The following KLHL42 variants were observed in gnomAD, a reference collection of about 807,000 sequenced individuals.
The protein encoded by KLHL42 is kelch like family member 42.
Under a neutral mutation model 32.7 loss-of-function variants are expected in KLHL42, and 27 were observed. The observed-to-expected ratio is 0.83, with a 90% confidence interval of 0.61 to 1.14. The LOEUF (loss-of-function observed/expected upper bound fraction) is 1.14, where lower values mean the gene tolerates loss of function less well. KLHL42 is among the 50% of genes most tolerant of loss of function. KLHL42 has a pLI of 0.00. For synonymous variants in KLHL42, 267 were observed against 248.2 expected, an observed-to-expected ratio of 1.08 and a Z score of -0.71; for missense variants, 491 against 560.8, an observed-to-expected ratio of 0.88 and a Z score of 1.26.
intron 1 of KLHL42, among the ~76,000 whole-genome samples, chr12:27,782,636 C>T (rs2062153968): frequency 6.6e-6 from 1 of 152,140 alleles, no homozygotes; most frequent in Admixed American, 6.5e-5. Context: ...TCTTGCATTC[C>T]TCTAGCTACA....
chr12:27,782,493 T>C (rs2062153551), intron 1 of KLHL42, among the ~76,000 whole-genome samples: 1 of 152,216 alleles, frequency 6.6e-6, no homozygotes, highest in Non-Finnish European at 1.5e-5. Flanking sequence ...GATGATACCA[T>C]ATTTAAAATT....
intron 1 of KLHL42, among the ~76,000 whole-genome samples, chr12:27,785,771 C>G (rs1294248921): frequency 6.6e-6 from 1 of 151,980 alleles, no homozygotes; most frequent in East Asian, 1.9e-4. Context: ...AACAAGATGT[C>G]CAATAATAAT....
chr12:27,791,658 T>G (rs775970239), intron 1 of KLHL42, 50 bp from the exon 2 acceptor site: 2 of 1,477,840 alleles, frequency 1.4e-6, no homozygotes, highest in Non-Finnish European at 1.9e-6. Flanking sequence ...TGTTACACTT[T>G]TCATTGATCA....
intron 1 of KLHL42, among the ~76,000 whole-genome samples, chr12:27,783,616 C>G (rs2062157934): frequency 6.6e-6 from 1 of 152,106 alleles, no homozygotes; most frequent in Admixed American, 6.5e-5. Flanking sequence ...GAGTCTCGCT[C>G]TGTCGCCCAG....
Position 27,780,234 on chromosome 12 carries a change from TCCCTCGG to T in KLHL42, c.-95_-89del. On this transcript the variant is annotated 5_prime_UTR_variant, in exon 1 of 3. Coordinates refer to ENST00000381271, the MANE Select transcript of KLHL42 (RefSeq NM_020782.2). The surrounding 1 kb of genome is among the most constrained non-coding windows in gnomAD (Gnocchi z 8.8). ...CCTCGCCGCTCCTCCCGGGCCGCCA[TCCCTCGG>T]CGCCCCGCCCGGAACCGGCGCGCGC... The T allele has an allele frequency of 8.3e-7, 1 of 1,198,460 alleles. No individual in the cohort carries two copies. Among genetic ancestry groups the T allele is most frequent in the Non-Finnish European group, 1.1e-6 (1 of 930,036 alleles). 74.2% of individuals were successfully genotyped at this position (1,198,460 alleles called of 1,614,324 possible).
At chr12:27,784,110 AAGTGT>A (rs2062160785) in intron 1 of KLHL42, among the ~76,000 whole-genome samples, 2 of 151,704 alleles carry the variant, frequency 1.3e-5, no homozygotes, top group South Asian at 2.1e-4. Flanking sequence ...AGGTAGGGCA[AAGTGT>A]ATGTGTTTTT....
chr12:27,800,460 GA>G lies in KLHL42; in HGVS notation c.*2296del. The stretch of plus-strand genomic sequence containing the variant: ...CTGCCAGCAGTACGTGGGAAAGGTG[GA>G]ATGTGCAATAGGAACAGATCTGTGC... On this transcript the variant is annotated 3_prime_UTR_variant, in exon 3 of 3. Coordinates refer to ENST00000381271, the MANE Select transcript of KLHL42 (RefSeq NM_020782.2). 1.3e-6 allele frequency: 1 copy of G among 752,040 alleles called. No individual in the cohort carries two copies. The highest frequency in any genetic ancestry group is 1.6e-6 in the Non-Finnish European group (1 of 617,120). The allele number at this position is 752,040 out of a possible 1,614,324, so 46.6% of individuals were successfully genotyped here. A position where few individuals can be genotyped will look rare whatever the true frequency, so the allele number is the denominator to read the frequency against.
chr12:27,797,028 G>A (rs1000812772), intron 2 of KLHL42, among the ~76,000 whole-genome samples: 2 of 152,028 alleles, frequency 1.3e-5, no homozygotes, highest in African/African-American at 4.8e-5. Flanking sequence ...TGAGGGACAT[G>A]GGAAATGGGA....
chr12:27,802,866 C>G lies in KLHL42; in HGVS notation c.*4700C>G, dbSNP rs2062254514. ...TAGTTATGTTTTGATATGACTGATACTTTCTTTGTTAAAAGGTTGTATTAA... is the reference window on the plus strand; with the variant it reads ...TAGTTATGTTTTGATATGACTGATAGTTTCTTTGTTAAAAGGTTGTATTAA... On this transcript the variant is annotated 3_prime_UTR_variant, in exon 3 of 3. Coordinates refer to ENST00000381271, the MANE Select transcript of KLHL42 (RefSeq NM_020782.2). The G allele has an allele frequency of 6.6e-6, 1 of 152,256 alleles. No homozygotes were observed. The highest frequency in any genetic ancestry group is 1.5e-5 in the Non-Finnish European group (1 of 68,024). 9.4% of individuals were successfully genotyped at this position (152,256 alleles called of 1,614,324 possible). A position where few individuals can be genotyped will look rare whatever the true frequency, so the allele number is the denominator to read the frequency against.
chr12:27,800,210 A>G lies in KLHL42; in HGVS notation c.*2044A>G, dbSNP rs2062238285. On this transcript the variant is annotated 3_prime_UTR_variant, in exon 3 of 3. Coordinates refer to ENST00000381271, the MANE Select transcript of KLHL42 (RefSeq NM_020782.2). ...CATATCAAATACAATATTCCAGCCA[A>G]CCAGTTAATTCTCTTCCTGGTTACA... 1 of 985,386 alleles carries G rather than the reference A, an allele frequency of 1.0e-6. No individual in the cohort carries two copies. The highest frequency in any genetic ancestry group is 1.2e-6 in the Non-Finnish European group (1 of 829,922). 61.0% of individuals were successfully genotyped at this position (985,386 alleles called of 1,614,324 possible).
chr12:27,791,014 CTG>C (rs1228828939), intron 1 of KLHL42, among the ~76,000 whole-genome samples: 1 of 152,206 alleles, frequency 6.6e-6, no homozygotes, highest in Non-Finnish European at 1.5e-5. Flanking sequence ...TAAGCTATGA[CTG>C]TGCCACTGCA....
At chr12:27,782,827 A>G (rs1422282623) in intron 1 of KLHL42, among the ~76,000 whole-genome samples, 3 of 152,128 alleles carry the variant, frequency 2.0e-5, no homozygotes, top group Non-Finnish European at 4.4e-5. Flanking sequence ...ACTGCAAATT[A>G]CACACAAAAC....
At chr12:27,797,444 C>A in intron 2 of KLHL42, 1 of 534,250 alleles carries the variant, frequency 1.9e-6, no homozygotes. Context: ...GGAGGAGGGG[C>A]TGTGTGAAAG....
At chr12:27,797,026 A>G (rs1228216428) in intron 2 of KLHL42, among the ~76,000 whole-genome samples, 9 of 152,050 alleles carry the variant, frequency 5.9e-5, no homozygotes, top group Admixed American at 5.2e-4. Flanking sequence ...TGTGAGGGAC[A>G]TGGGAAATGG....
intron 1 of KLHL42, among the ~76,000 whole-genome samples, chr12:27,783,539 T>A (rs181078309): frequency 3.3e-5 from 5 of 152,330 alleles, no homozygotes; most frequent in Admixed American, 2.6e-4. Flanking sequence ...ATCTGAGAGT[T>A]TTTTTTCTGT....
At position 27,791,859 on chromosome 12, in the gene KLHL42, T is replaced by G; in HGVS notation, c.1024T>G (p.Cys342Gly). 1 of 1,613,866 alleles carries G rather than the reference T, an allele frequency of 6.2e-7. No individual in the cohort carries two copies. Among genetic ancestry groups the G allele is most frequent in the South Asian group, 1.1e-5 (1 of 91,070 alleles). The change falls in exon 2 of 3, where the codon TGT becomes GGT. Residue 342 changes from cysteine (C) to glycine (G), a missense_variant. Cys to Gly is a radical substitution (Grantham distance 159, BLOSUM62 -3). Around this residue, in one of 4 missense-constraint regions of KLHL42, gnomAD observed 152 missense variants for 125.9 expected, o/e 1.21. Coordinates refer to ENST00000381271, the MANE Select transcript of KLHL42 (RefSeq NM_020782.2). ...NPLAEFSACECKGKIYVIGGY... is the reference protein window; with the variant it reads ...NPLAEFSACEGKGKIYVIGGY... ...TCTGGCTGAGTTCTCTGCCTGTGAG[T>G]GTAAGGGAAAAATTTATGTCATTGG...
chr12:27,787,770 T>C (rs1159830048), intron 1 of KLHL42: 1 of 152,228 alleles, frequency 6.6e-6, no homozygotes, highest in Non-Finnish European at 1.5e-5. Context: ...GTTGTCAGCC[T>C]TAGCGTTTGC....
chr12:27,781,068 T>C lies in KLHL42; in HGVS notation c.738T>C (p.Tyr246=). ...CCGACCTGGTCAATGTCAGGGGCTATGGGTCTGCCATCCTGGACAACTACC... is the reference window on the plus strand; with the variant it reads ...CCGACCTGGTCAATGTCAGGGGCTACGGGTCTGCCATCCTGGACAACTACC... ...LPPDLVNVRG[Y]GSAILDNYLF... The change falls in exon 1 of 3, where the codon TAT becomes TAC. Residue 246 remains tyrosine, a synonymous_variant. Coordinates refer to ENST00000381271, the MANE Select transcript of KLHL42 (RefSeq NM_020782.2). The C allele has an allele frequency of 6.2e-7, 1 of 1,614,094 alleles. No individual in the cohort carries two copies. Among genetic ancestry groups the C allele is most frequent in the Non-Finnish European group, 8.5e-7 (1 of 1,179,988 alleles).
At position 27,798,508 on chromosome 12, in the gene KLHL42, T is replaced by C. The variant is rs2062230115; in HGVS notation, c.*342T>C. The C allele has an allele frequency of 4.1e-6, 1 of 245,484 alleles. No homozygotes were observed. The highest frequency in any genetic ancestry group is 7.9e-6 in the Non-Finnish European group (1 of 126,032). The allele number at this position is 245,484 out of a possible 1,614,324, so 15.2% of individuals were successfully genotyped here. ...CAATAATTGGGACAAATGGTAAAGA[T>C]GATTTTAAAATCTGTTGTATTTAGG... is the stretch of plus-strand genomic sequence containing the variant. On this transcript the variant is annotated 3_prime_UTR_variant, in exon 3 of 3. Transcript: ENST00000381271.
Sources: gnomAD v4.1 joint callset for allele counts (sites outside exome capture counted in the v4.1 genomes callset) on GRCh38, gnomAD v4.1.1 for gene constraint, gnomAD v4.1.1 regional missense constraint, Gnocchi (gnomAD v3.1) non-coding constraint, MANE v1.5 for transcripts, NCBI Gene and HGNC (gene_info 2026-07-23, HGNC 2026-07-21) for gene names.